Variants in ABCA13 observed in about 807,000 individuals in gnomAD.
The protein encoded by ABCA13 is ATP-binding cassette sub-family A member 13.
Under a neutral mutation model 478.7 loss-of-function variants are expected in ABCA13, and 476 were observed. The observed-to-expected ratio is 0.99, with a 90% confidence interval of 0.92 to 1.07. The LOEUF (loss-of-function observed/expected upper bound fraction) is 1.07, where lower values mean the gene tolerates loss of function less well. Among genes scored for constraint, ABCA13 ranks in the 50% least tolerant of loss-of-function variants. The pLI is 0.00. For synonymous variants in ABCA13, 2,252 were observed against 2,158.9 expected (o/e 1.04, Z -1.20); for missense variants, 6,060 against 5,910.6 (o/e 1.03, Z -0.83).
At chr7:48,546,562 C>T (rs1563419698) in intron 55 of ABCA13, among the ~76,000 whole-genome samples, 2 of 146,670 alleles carry the variant, frequency 1.4e-5, no homozygotes, top group Non-Finnish European at 3.0e-5. Flanking sequence ...GGGATATAAA[C>T]TCTTAAGACA....
intron 43 of ABCA13, among the ~76,000 whole-genome samples, chr7:48,458,774 T>C (rs1020068033): frequency 6.6e-6 from 1 of 152,134 alleles, no homozygotes; most frequent in Non-Finnish European, 1.5e-5. Flanking sequence ...TTGAGCTTCT[T>C]GGGCCCAAAC....
At chr7:48,325,315 C>A (rs1242012452) in intron 27 of ABCA13, among the ~76,000 whole-genome samples, 1 of 152,148 alleles carries the variant, frequency 6.6e-6, no homozygotes, top group Non-Finnish European at 1.5e-5. Flanking sequence ...TGGCTATGAC[C>A]ACCCTGTGGC....
chr7:48,566,251 AG>A (rs1016618662), intron 55 of ABCA13, among the ~76,000 whole-genome samples: 1 of 152,094 alleles, frequency 6.6e-6, no homozygotes, highest in African/African-American at 2.4e-5. Context: ...CATTAAATAA[AG>A]GGGGAGAAAC....
At chr7:48,519,642 A>G (rs994827745) in intron 52 of ABCA13, among the ~76,000 whole-genome samples, 4 of 152,206 alleles carry the variant, frequency 2.6e-5, no homozygotes, top group African/African-American at 9.6e-5. Context: ...TCATTTTCAC[A>G]TAATCCTAAA....
intron 58 of ABCA13, among the ~76,000 whole-genome samples, chr7:48,601,362 T>A (rs778172831): frequency 6.6e-6 from 1 of 152,136 alleles, no homozygotes; most frequent in African/African-American, 2.4e-5. Flanking sequence ...TTTCTCCTAA[T>A]GCTATCCGTC....
intron 15 of ABCA13, among the ~76,000 whole-genome samples, chr7:48,257,268 T>A (rs1793533972): frequency 6.6e-6 from 1 of 152,176 alleles, no homozygotes; most frequent in Non-Finnish European, 1.5e-5. Flanking sequence ...AGACTTCCTC[T>A]CTTCCTGTTT....
chr7:48,479,010 C>T (rs188232291), intron 45 of ABCA13, among the ~76,000 whole-genome samples: 3,233 of 148,924 alleles, frequency 0.022, 116 homozygotes, highest in African/African-American at 0.075. Flanking sequence ...TGCAGTGGCG[C>T]GATCTTGGCT....
chr7:48,310,919 C>T (rs1801684479), intron 24 of ABCA13, among the ~76,000 whole-genome samples: 1 of 152,138 alleles, frequency 6.6e-6, no homozygotes, highest in African/African-American at 2.4e-5. Context: ...TCCTTCTGGC[C>T]TCTACTGTTT....
Position 48,276,082 on chromosome 7 carries a change from C to T in ABCA13, c.6416C>T (p.Ser2139Phe), listed in dbSNP as rs753184508. Residue 2139 changes from serine (S) to phenylalanine (F), a missense_variant, in exon 17 of 62, where the codon TCC (serine) becomes TTC (phenylalanine). By Grantham distance (155) the Ser-to-Phe change is radical (BLOSUM62 -2). Transcript: ENST00000435803. ...CAGGAATATGCAAATGAGGATTACT[C>T]CAGAATGATAGAAACATTATTCATT... The part of the protein sequence containing the change: ...WLQEYANEDY[S>F]RMIETLFIPV... 1.9e-6 allele frequency: 3 copies of T among 1,602,382 alleles called. No homozygotes were observed. Among genetic ancestry groups the T allele is most frequent in the Non-Finnish European group, 2.6e-6 (3 of 1,173,950 alleles).
Position 48,352,458 on chromosome 7 carries a change from G to A in ABCA13, c.10659G>A (p.Ala3553=), listed in dbSNP as rs773105186. ...TGGAACCAGCAGCACAGACTCAGGCGGCCCCTTACCCCTGCCATACCAGCG... is the reference window on the plus strand; with the variant it reads ...TGGAACCAGCAGCACAGACTCAGGCAGCCCCTTACCCCTGCCATACCAGCG... ...EALEPAAQTQ[A]APYPCHTSDL... Residue 3553 remains alanine, a synonymous_variant, in exon 31 of 62, where the codon GCG becomes GCA. Transcript: ENST00000435803. The A allele has an allele frequency of 1.3e-5, 21 of 1,610,314 alleles. No homozygotes were observed. The highest frequency in any genetic ancestry group is 1.7e-4 in the Middle Eastern group (1 of 6,026).
chr7:48,364,660 T>C (rs1477537025), intron 31 of ABCA13, among the ~76,000 whole-genome samples: 4 of 152,180 alleles, frequency 2.6e-5, no homozygotes, highest in African/African-American at 7.2e-5. Context: ...TTAGAACATA[T>C]ATTTGTCTTT....
chr7:48,352,612 C>A (rs1032065740), intron 31 of ABCA13, 125 bp downstream of exon 31: 81 of 1,142,086 alleles, frequency 7.1e-5, no homozygotes, highest in Non-Finnish European at 9.1e-5. Flanking sequence ...TCACCCCCCA[C>A]TTTTTAATTT....
rs768177909 is a variant in ABCA13 at position 48,219,443 on chromosome 7, A to G, written c.377A>G (p.His126Arg). ...KEIQDLAEEI[H>R]GMMDKAKNLK... ...ATACAAGACCTGGCAGAGGAAATTCATGGAATGATGGACAAGGCAAAAAAC... is the reference window on the plus strand; with the variant it reads ...ATACAAGACCTGGCAGAGGAAATTCGTGGAATGATGGACAAGGCAAAAAAC... Residue 126 changes from histidine to arginine, a missense_variant, in exon 4 of 62, where the codon CAT becomes CGT. Around this residue, in one of 3 missense-constraint regions of ABCA13, gnomAD observed 4,423 missense variants for 4,309.1 expected, o/e 1.03. Coordinates refer to ENST00000435803, the MANE Select transcript of ABCA13 (RefSeq NM_152701.5). 5.6e-6 allele frequency: 9 copies of G among 1,613,514 alleles called. No individual in the cohort carries two copies. The highest frequency in any genetic ancestry group is 6.8e-6 in the Non-Finnish European group (8 of 1,179,724).
chr7:48,437,524 C>T (rs2129156562), intron 42 of ABCA13, among the ~76,000 whole-genome samples: 1 of 152,024 alleles, frequency 6.6e-6, no homozygotes, highest in East Asian at 1.9e-4. Flanking sequence ...TCCTGATTTT[C>T]TTTAGTTCTT....
chr7:48,257,776 TG>T (rs1299260918), intron 15 of ABCA13, among the ~76,000 whole-genome samples: 2 of 152,204 alleles, frequency 1.3e-5, no homozygotes, highest in African/African-American at 4.8e-5. Context: ...GTTGTTGTTT[TG>T]TGTCTCTGCC....
chr7:48,254,285 G>A (rs11984356), intron 15 of ABCA13, among the ~76,000 whole-genome samples: 19,055 of 151,514 alleles, frequency 0.13, 1,231 homozygotes, highest in South Asian at 0.18. Context: ...CTTTTAAGAG[G>A]TAGAGTCTCA....
At chr7:48,573,662 A>C (rs148777228) in intron 55 of ABCA13, among the ~76,000 whole-genome samples, 2,643 of 152,266 alleles carry the variant, frequency 0.017, 81 homozygotes, top group African/African-American at 0.06. Context: ...GGAGCCCAGG[A>C]GTTCGAGGCT....
chr7:48,536,625 G>T (rs996439922), intron 55 of ABCA13, among the ~76,000 whole-genome samples: 8 of 151,294 alleles, frequency 5.3e-5, no homozygotes, highest in Non-Finnish European at 7.4e-5. Flanking sequence ...CCCAGCCTGG[G>T]TGACAGAGTG....
At chr7:48,620,142 G>A (rs1439773970) in intron 59 of ABCA13, among the ~76,000 whole-genome samples, 8 of 151,924 alleles carry the variant, frequency 5.3e-5, no homozygotes, top group African/African-American at 1.9e-4. Context: ...GGAGGAGGAG[G>A]AGGCCTTTTT....
Sources: gnomAD v4.1 joint callset for allele counts (sites outside exome capture counted in the v4.1 genomes callset) on GRCh38, gnomAD v4.1.1 for gene constraint, gnomAD v4.1.1 regional missense constraint, MANE v1.5 for transcripts, NCBI Gene and HGNC (gene_info 2026-07-23, HGNC 2026-07-21) for gene names.